The following ANK1 variants were observed in gnomAD, a reference collection of about 807,000 sequenced individuals.
The protein encoded by ANK1 is ankyrin-1.
Under a neutral mutation model 210.4 loss-of-function variants are expected in ANK1, and 51 were observed. The ratio of observed to expected loss-of-function variants is 0.24; its 90% CI spans 0.19 to 0.31. The LOEUF (loss-of-function observed/expected upper bound fraction) is 0.31. ANK1 is among the 10% of genes least tolerant of loss of function. The pLI is 1.00. For synonymous variants in ANK1, 967 were observed against 1,025.9 expected (o/e 0.94, Z 1.10); for missense variants, 2,051 against 2,504.4 (o/e 0.82, Z 3.86).
At chr8:41,838,755 A>G (rs927811268) in intron 1 of ANK1, among the ~76,000 whole-genome samples, 3 of 126,082 alleles carry the variant, frequency 2.4e-5, no homozygotes, top group Non-Finnish European at 4.8e-5. Context: ...ACAAAGCAAG[A>G]CTCCGTCTCA....
intron 1 of ANK1, among the ~76,000 whole-genome samples, chr8:41,827,925 C>A (rs1805761471): frequency 6.6e-6 from 1 of 152,152 alleles, no homozygotes; most frequent in African/African-American, 2.4e-5. Flanking sequence ...CACCCACATA[C>A]ACACACGCAC....
At chr8:41,725,082 CA>C (rs1291062923) in intron 6 of ANK1, among the ~76,000 whole-genome samples, 3 of 152,218 alleles carry the variant, frequency 2.0e-5, no homozygotes, top group African/African-American at 7.2e-5. Flanking sequence ...GGCTGGTCTC[CA>C]ATTCCTGGGC....
chr8:41,771,642 T>C (rs921694047), intron 1 of ANK1, among the ~76,000 whole-genome samples: 7 of 152,194 alleles, frequency 4.6e-5, no homozygotes, highest in Non-Finnish European at 8.8e-5. Context: ...TCTTGCTAAA[T>C]ATTTTACCTA....
chr8:41,731,060 G>A lies in ANK1; in HGVS notation c.228+2911C>T, dbSNP rs900358912. Among the ~76,000 whole-genome samples, 10 of 152,150 alleles carry A rather than the reference G, an allele frequency of 6.6e-5. 1 individual carries two copies. The highest frequency in any genetic ancestry group is 6.3e-3 in the Middle Eastern group (2 of 316). ...CTTGGTTCGGGCCAGCTGAGCCAAC[G>A]GTAGCATAAGTGAGGAATAAGAACA... On this transcript the variant is annotated intron_variant, in intron 3 of 42. Coordinates refer to ENST00000289734, the MANE Select transcript of ANK1 (RefSeq NM_000037.4).
intron 1 of ANK1, among the ~76,000 whole-genome samples, chr8:41,822,130 AAGAGAAAGAAAG>A (rs1563845624): frequency 1.8e-4 from 5 of 27,950 alleles, no homozygotes; most frequent in Non-Finnish European, 3.2e-4. Context: ...AAGAGAAAGA[AAGAGAAAGAAAG>A]AAAGAAAGAA....
At chr8:41,861,075 G>A (rs1364577536) in intron 1 of ANK1, among the ~76,000 whole-genome samples, 1 of 152,208 alleles carries the variant, frequency 6.6e-6, no homozygotes, top group African/African-American at 2.4e-5. Flanking sequence ...ACAGGTGCCA[G>A]GCCGTTTGTG....
At position 41,704,059 on chromosome 8, in the gene ANK1, G is replaced by A. The variant is rs1373484248; in HGVS notation, c.2277C>T (p.Ser759=). The A allele has an allele frequency of 1.9e-6, 3 of 1,614,044 alleles. No individual in the cohort carries two copies. The highest frequency in any genetic ancestry group is 2.2e-5 in the South Asian group (2 of 91,080). The part of the protein sequence containing the change: ...IVTLLLKNGA[S]PNEVSSDGTT... ...TACTCACCGAGCTGACCTCGTTTGG[G>A]GAAGCACCGTTTTTCAGAAGCAGAG... The change falls in exon 20 of 43, where the codon TCC becomes TCT. Residue 759 remains serine (S), a synonymous_variant. Coordinates refer to ENST00000289734, the MANE Select transcript of ANK1 (RefSeq NM_000037.4). This position sits in a 1 kb window ranked among gnomAD's most constrained non-coding sequence, Gnocchi z 4.1.
intron 39 of ANK1, chr8:41,665,549 A>G (rs1810218501): frequency 6.3e-6 from 2 of 319,456 alleles, no homozygotes; most frequent in South Asian, 5.2e-5. Flanking sequence ...AAAATAATAC[A>G]GTCCGAGAAA....
At chr8:41,840,071 C>T (rs1808577408) in intron 1 of ANK1, 1 of 151,658 alleles carries the variant, frequency 6.6e-6, no homozygotes, top group Non-Finnish European at 1.5e-5. Flanking sequence ...GAGATAGGGT[C>T]TCACTACATT....
At chr8:41,663,837 T>C (rs1809399603) in intron 39 of ANK1, 95 bp from the exon 40 acceptor site, 2 of 986,820 alleles carry the variant, frequency 2.0e-6, no homozygotes, top group Non-Finnish European at 3.2e-6. Flanking sequence ...GTAGCCACAA[T>C]AGCCATGGCC....
intron 36 of ANK1, among the ~76,000 whole-genome samples, chr8:41,685,835 G>A (rs1054683519): frequency 6.6e-6 from 1 of 152,084 alleles, no homozygotes; most frequent in African/African-American, 2.4e-5. Context: ...GTCTGTTCTC[G>A]AACTCCTAGG....
chr8:41,793,179 C>T (rs1305038717), intron 1 of ANK1, among the ~76,000 whole-genome samples: 1 of 152,194 alleles, frequency 6.6e-6, no homozygotes, highest in Admixed American at 6.5e-5. Context: ...GAGTTCAAGA[C>T]TAGCCTGGGC....
At chr8:41,835,386 A>G (rs556029274) in intron 1 of ANK1, among the ~76,000 whole-genome samples, 30 of 152,294 alleles carry the variant, frequency 2.0e-4, no homozygotes, top group African/African-American at 7.2e-4. Context: ...CGGGAGGTGG[A>G]GGTAGCAGTG....
At chr8:41,662,794 C>G (rs1226543862) in intron 40 of ANK1, among the ~76,000 whole-genome samples, 4 of 152,092 alleles carry the variant, frequency 2.6e-5, no homozygotes, top group Non-Finnish European at 1.5e-5. Context: ...GAAGCACATT[C>G]GAGATCCTGC....
intron 5 of ANK1, 26 bp from the exon 6 acceptor site, chr8:41,725,972 C>T (rs377027786): frequency 7.5e-6 from 12 of 1,609,538 alleles, no homozygotes; most frequent in African/African-American, 2.7e-5. Flanking sequence ...AAATGCTTTG[C>T]TCTGACTCGT....
intron 31 of ANK1, among the ~76,000 whole-genome samples, chr8:41,691,654 C>G (rs915808113): frequency 6.6e-6 from 1 of 152,182 alleles, no homozygotes; most frequent in Non-Finnish European, 1.5e-5. Flanking sequence ...CTGGGTGCTA[C>G]TGAAACCCTA....
At chr8:41,743,503 T>C (rs1341030251) in intron 2 of ANK1, among the ~76,000 whole-genome samples, 1 of 152,202 alleles carries the variant, frequency 6.6e-6, no homozygotes, top group Admixed American at 6.5e-5. Context: ...CTTCTCATCC[T>C]TCTCCTTCCC....
intron 1 of ANK1, among the ~76,000 whole-genome samples, chr8:41,806,197 A>C (rs1033454199): frequency 6.6e-6 from 1 of 152,190 alleles, no homozygotes; most frequent in African/African-American, 2.4e-5. Context: ...CCTTGACGTT[A>C]AGCTATTTTT....
At chr8:41,861,717 G>A (rs892543359) in intron 1 of ANK1, among the ~76,000 whole-genome samples, 4 of 152,198 alleles carry the variant, frequency 2.6e-5, no homozygotes, top group Non-Finnish European at 5.9e-5. Context: ...GCGCAGGAGC[G>A]AACCCAAGCC....
Sources: allele counts gnomAD v4.1 joint callset (sites outside exome capture counted in the v4.1 genomes callset), GRCh38; gene constraint gnomAD v4.1.1; non-coding constraint Gnocchi (gnomAD v3.1); transcripts MANE v1.5; gene names NCBI Gene and HGNC (gene_info 2026-07-23, HGNC 2026-07-21).